CNTNAP2: variants seen among roughly 807,000 people sequenced by gnomAD.
CNTNAP2 encodes the protein contactin associated protein 2, also known as contactin-associated protein-like 2.
CNTNAP2 carries 98 observed loss-of-function variants against 155.2 expected under a neutral mutation model. The ratio of observed to expected loss-of-function variants is 0.63; its 90% CI spans 0.54 to 0.75. The LOEUF (loss-of-function observed/expected upper bound fraction) is 0.75. Among genes scored for constraint, CNTNAP2 ranks in the 30% least tolerant of loss-of-function variants. The probability of loss-of-function intolerance (pLI) is 0.00; values close to 1 mark genes in which losing one functional copy is unlikely to be tolerated. For synonymous variants in CNTNAP2, 651 were observed against 631.2 expected (o/e 1.03, Z -0.47); for missense variants, 1,727 against 1,688.1 (o/e 1.02, Z -0.40).
At chr7:146,585,022 T>C (rs1798666104) in intron 1 of CNTNAP2, among the ~76,000 whole-genome samples, 1 of 152,218 alleles carries the variant, frequency 6.6e-6, no homozygotes, top group Admixed American at 6.5e-5. Flanking sequence ...ATAAGTCCCA[T>C]CTGAGCCAAT....
intron 20 of CNTNAP2, among the ~76,000 whole-genome samples, chr7:148,263,461 G>C (rs911204607): frequency 1.3e-5 from 2 of 151,920 alleles, no homozygotes; most frequent in Admixed American, 6.6e-5. Context: ...AAAAGTGGCC[G>C]GGTGCGGTGG....
intron 3 of CNTNAP2, among the ~76,000 whole-genome samples, chr7:147,015,072 G>A (rs902527460): frequency 4.6e-5 from 7 of 151,148 alleles, no homozygotes; most frequent in Admixed American, 1.3e-4. Flanking sequence ...AATGTTTATG[G>A]ATGCTTTTGA....
At chr7:146,128,805 T>C (rs1379761051) in intron 1 of CNTNAP2, among the ~76,000 whole-genome samples, 1 of 152,098 alleles carries the variant, frequency 6.6e-6, no homozygotes, top group Non-Finnish European at 1.5e-5. Context: ...AGCATCATAC[T>C]AAGAAGTATT....
At chr7:147,739,883 C>G (rs971347075) in intron 13 of CNTNAP2, among the ~76,000 whole-genome samples, 4 of 151,906 alleles carry the variant, frequency 2.6e-5, no homozygotes, top group African/African-American at 9.7e-5. Context: ...CTATTGAATA[C>G]TGATTTCAGC....
intron 13 of CNTNAP2, among the ~76,000 whole-genome samples, chr7:147,748,233 A>G (rs1644000068): frequency 1.3e-5 from 2 of 152,366 alleles, no homozygotes; most frequent in South Asian, 4.1e-4. Flanking sequence ...GTTAAGTTGT[A>G]CATTAGAAGT....
intron 14 of CNTNAP2, chr7:147,940,430 A>G (rs1800698826): frequency 6.6e-6 from 1 of 152,130 alleles, no homozygotes; most frequent in Non-Finnish European, 1.5e-5. Context: ...TTACAGAGCA[A>G]TGGTAGATAC....
At chr7:146,957,182 A>C (rs927154512) in intron 3 of CNTNAP2, among the ~76,000 whole-genome samples, 1 of 152,204 alleles carries the variant, frequency 6.6e-6, no homozygotes, top group African/African-American at 2.4e-5. Context: ...TAGGCTATAA[A>C]AATTTTCAGC....
intron 1 of CNTNAP2, among the ~76,000 whole-genome samples, chr7:146,231,770 C>T (rs919006024): frequency 2.0e-5 from 3 of 152,116 alleles, no homozygotes; most frequent in East Asian, 3.9e-4. Flanking sequence ...ATTGGTTTCT[C>T]GTGGCACCTA....
At chr7:146,421,303 AT>A (rs1258868595) in intron 1 of CNTNAP2, among the ~76,000 whole-genome samples, 1 of 152,050 alleles carries the variant, frequency 6.6e-6, no homozygotes, top group Non-Finnish European at 1.5e-5. Flanking sequence ...CAATTGTTTT[AT>A]TTAAATGCAT....
Position 146,370,527 on chromosome 7 carries a change from T to C in CNTNAP2, c.97+253554T>C, listed in dbSNP as rs141635875. On this transcript the variant is annotated intron_variant, in intron 1 of 23. Transcript: ENST00000361727. ...TTATTAATTAAATATGTGTGCATTTTACAAGATGTCGAGACTTTGTATCAT... is the reference window on the plus strand; with the variant it reads ...TTATTAATTAAATATGTGTGCATTTCACAAGATGTCGAGACTTTGTATCAT... Among the ~76,000 whole-genome samples, 449 of 152,254 alleles carry C rather than the reference T, an allele frequency of 2.9e-3. 2 individuals carry two copies. Among genetic ancestry groups the C allele is most frequent in the African/African-American group, 7.2e-3 (300 of 41,560 alleles).
chr7:146,410,234 T>C (rs1321914587), intron 1 of CNTNAP2, among the ~76,000 whole-genome samples: 5 of 152,186 alleles, frequency 3.3e-5, no homozygotes, highest in Non-Finnish European at 5.9e-5. Flanking sequence ...CCTTTTATTT[T>C]TGTAAATAAA....
intron 2 of CNTNAP2, among the ~76,000 whole-genome samples, chr7:146,789,179 G>T (rs1450246067): frequency 6.6e-6 from 1 of 152,154 alleles, no homozygotes; most frequent in Non-Finnish European, 1.5e-5. Flanking sequence ...ACAGAAACTG[G>T]ATCTGAGTAT....
At chr7:146,142,460 A>G (rs1797895089) in intron 1 of CNTNAP2, among the ~76,000 whole-genome samples, 1 of 152,344 alleles carries the variant, frequency 6.6e-6, no homozygotes, top group Non-Finnish European at 1.5e-5. Flanking sequence ...GAGAAAAATA[A>G]AGAACACCCA....
chr7:146,918,293 C>G (rs1453664486), intron 3 of CNTNAP2, among the ~76,000 whole-genome samples: 1 of 151,844 alleles, frequency 6.6e-6, no homozygotes, highest in Non-Finnish European at 1.5e-5. Flanking sequence ...GATTTATGCT[C>G]TAAGGAGATT....
chr7:146,121,181 T>A (rs1392484460), intron 1 of CNTNAP2, among the ~76,000 whole-genome samples: 1 of 129,728 alleles, frequency 7.7e-6, no homozygotes, highest in Admixed American at 9.8e-5. Flanking sequence ...CAGGCTGGAG[T>A]GCAGTGGCCC....
intron 3 of CNTNAP2, among the ~76,000 whole-genome samples, chr7:146,949,232 C>T (rs1200457710): frequency 6.6e-6 from 1 of 152,116 alleles, no homozygotes; most frequent in Non-Finnish European, 1.5e-5. Flanking sequence ...TTTATTGTGA[C>T]ATTAAGATAG....
At chr7:147,790,781 G>T (rs1797808046) in intron 13 of CNTNAP2, among the ~76,000 whole-genome samples, 1 of 152,208 alleles carries the variant, frequency 6.6e-6, no homozygotes, top group Non-Finnish European at 1.5e-5. Flanking sequence ...ACACTTGTTT[G>T]TTGGGTAATA....
At chr7:147,884,141 A>G (rs753651683) in intron 13 of CNTNAP2, among the ~76,000 whole-genome samples, 4 of 152,174 alleles carry the variant, frequency 2.6e-5, no homozygotes, top group Non-Finnish European at 5.9e-5. Flanking sequence ...GGTGGCAAAA[A>G]TAGTCCCTGC....
chr7:148,122,680 A>G (rs1467434208), intron 16 of CNTNAP2, among the ~76,000 whole-genome samples: 1 of 152,094 alleles, frequency 6.6e-6, no homozygotes, highest in Non-Finnish European at 1.5e-5. Flanking sequence ...CACCAGAGAA[A>G]AGACTGGAAG....
Sources: allele counts gnomAD v4.1 joint callset (sites outside exome capture counted in the v4.1 genomes callset), GRCh38; gene constraint gnomAD v4.1.1; transcripts MANE v1.5; gene names NCBI Gene and HGNC (gene_info 2026-07-23, HGNC 2026-07-21).